TNKS: variants seen among roughly 807,000 people sequenced by gnomAD.
TNKS encodes tankyrase.
TNKS carries 72 observed loss-of-function variants against 135.8 expected under a neutral mutation model. That is an observed-to-expected ratio of 0.53 (90% confidence interval 0.44 to 0.64). TNKS has a LOEUF of 0.64. Ranked by LOEUF, TNKS falls within the 30% of genes least tolerant of loss-of-function variation. The probability of loss-of-function intolerance (pLI) is 0.00; values close to 1 mark genes in which losing one functional copy is unlikely to be tolerated. For missense variants in TNKS, 1,769 were observed against 1,674.0 expected, an observed-to-expected ratio of 1.06 and a Z score of -0.99; for synonymous variants, 849 against 649.3, an observed-to-expected ratio of 1.31 and a Z score of -4.68.
chr8:9,726,943 C>A (rs1285088535), intron 13 of TNKS, among the ~76,000 whole-genome samples: 1 of 152,048 alleles, frequency 6.6e-6, no homozygotes, highest in African/African-American at 2.4e-5. Context: ...GGTAGATAGA[C>A]AGATGGATAT....
intron 17 of TNKS, among the ~76,000 whole-genome samples, chr8:9,744,747 A>G (rs1411189757): frequency 6.6e-6 from 1 of 152,306 alleles, no homozygotes; most frequent in East Asian, 1.9e-4. Flanking sequence ...TGGTGTAGCT[A>G]TTTAAAAGAA....
At chr8:9,668,352 G>T (rs1469492869) in intron 3 of TNKS, among the ~76,000 whole-genome samples, 1 of 152,180 alleles carries the variant, frequency 6.6e-6, no homozygotes, top group East Asian at 1.9e-4. Flanking sequence ...TCCTTAGGGA[G>T]AAAATACATT....
At chr8:9,758,470 C>T (rs1049493403) in intron 20 of TNKS, among the ~76,000 whole-genome samples, 5 of 152,044 alleles carry the variant, frequency 3.3e-5, no homozygotes, top group African/African-American at 1.2e-4. Flanking sequence ...GGATAAATGC[C>T]AAGATAGCGT....
At position 9,561,469 on chromosome 8, in the gene TNKS, A is replaced by G. The variant is rs1797329384; in HGVS notation, c.673+4857A>G. Among the ~76,000 whole-genome samples the G allele has an allele frequency of 2.6e-5, 4 of 152,342 alleles. No homozygotes were observed. The South Asian group carries it at 8.3e-4, about 32-fold the overall frequency. On this transcript the variant is annotated intron_variant, in intron 1 of 26. Coordinates refer to ENST00000310430, the MANE Select transcript of TNKS (RefSeq NM_003747.3). ...TAGAATTTCATATAAATGCAGTCAT[A>G]CAATATTTAGTCTTTCTGTAAGACT...
At chr8:9,637,348 A>G (rs893129886) in intron 3 of TNKS, among the ~76,000 whole-genome samples, 9 of 152,082 alleles carry the variant, frequency 5.9e-5, no homozygotes, top group Non-Finnish European at 1.2e-4. Context: ...TCCTTCCTTC[A>G]GGTTCTTTCT....
At chr8:9,725,988 A>C (rs1268642301) in intron 12 of TNKS, among the ~76,000 whole-genome samples, 1 of 152,242 alleles carries the variant, frequency 6.6e-6, no homozygotes, top group Non-Finnish European at 1.5e-5. Flanking sequence ...TCCTAAAGCC[A>C]TTCAATAAAT....
At position 9,709,891 on chromosome 8, in the gene TNKS, A is replaced by C. The variant is rs983419555; in HGVS notation, c.1579-64A>C. 3.5e-5 allele frequency: 45 copies of C among 1,273,168 alleles called. No homozygotes were observed. In the African/African-American group the frequency reaches 6.3e-4, roughly 18 times the overall value. 78.9% of individuals were successfully genotyped at this position (1,273,168 alleles called of 1,614,324 possible). On this transcript the variant is annotated intron_variant, in intron 9 of 26. Transcript: ENST00000310430. ...TTTAAATGGTCAGCAGATACTGTTC[A>C]ATTCCAAGAGCTACTGTACATATGG...
At chr8:9,610,339 A>G (rs1033622658) in intron 2 of TNKS, among the ~76,000 whole-genome samples, 7 of 151,400 alleles carry the variant, frequency 4.6e-5, no homozygotes, top group Non-Finnish European at 8.8e-5. Flanking sequence ...TATATACTGT[A>G]GCATACTATA....
intron 14 of TNKS, among the ~76,000 whole-genome samples, chr8:9,731,850 C>T (rs1260920960): frequency 6.6e-6 from 1 of 152,134 alleles, no homozygotes; most frequent in African/African-American, 2.4e-5. Flanking sequence ...TGCAGTGGCA[C>T]AATCTCGGCT....
chr8:9,624,160 G>C (rs1799970013), intron 3 of TNKS, among the ~76,000 whole-genome samples: 1 of 152,084 alleles, frequency 6.6e-6, no homozygotes, highest in South Asian at 2.1e-4. Context: ...TGACATATTT[G>C]TGAAGCATGA....
intron 20 of TNKS, among the ~76,000 whole-genome samples, chr8:9,759,843 C>T (rs796820053): frequency 4.6e-5 from 7 of 152,110 alleles, no homozygotes; most frequent in African/African-American, 7.2e-5. Flanking sequence ...GGCGTGGTGG[C>T]GGGCGCCTGT....
In TNKS at chr8:9,706,896, C is replaced by G; in HGVS notation, c.1355C>G (p.Ser452Cys). ...AASKNRVEVC[S>C]LLLSHGADPT... is the part of the protein sequence containing the mutation. Reference sequence around the variant, plus strand: ...TCCAAGAACCGTGTAGAAGTCTGCTCTTTGTTACTTAGCCATGGCGCTGAT... The same window carrying G: ...TCCAAGAACCGTGTAGAAGTCTGCTGTTTGTTACTTAGCCATGGCGCTGAT... The change falls in exon 8 of 27, where the codon TCT (serine) becomes TGT (cysteine). Residue 452 changes from serine (S) to cysteine (C), a missense_variant. Coordinates refer to ENST00000310430, the MANE Select transcript of TNKS (RefSeq NM_003747.3). The G allele has an allele frequency of 1.2e-6, 2 of 1,614,074 alleles. No homozygotes were observed. The highest frequency in any genetic ancestry group is 2.2e-5 in the East Asian group (1 of 44,862).
chr8:9,634,699 T>G (rs1472919254), intron 3 of TNKS, among the ~76,000 whole-genome samples: 1 of 152,152 alleles, frequency 6.6e-6, no homozygotes, highest in Non-Finnish European at 1.5e-5. Flanking sequence ...CCTCTATTTC[T>G]GCTACAGAAA....
At chr8:9,657,422 A>G (rs1388658609) in intron 3 of TNKS, among the ~76,000 whole-genome samples, 3 of 68,146 alleles carry the variant, frequency 4.4e-5, no homozygotes, top group Non-Finnish European at 9.1e-5. Context: ...GGCCGGGCGG[A>G]GGGCTGACCC....
intron 3 of TNKS, among the ~76,000 whole-genome samples, chr8:9,679,219 A>G (rs1472480162): frequency 6.6e-6 from 1 of 152,198 alleles, no homozygotes; most frequent in Admixed American, 6.5e-5. Context: ...TTTAAAAAAT[A>G]TTTTAAGATT....
At chr8:9,769,982 C>G in intron 25 of TNKS, 124 bp from the exon 26 acceptor site, 1 of 828,028 alleles carries the variant, frequency 1.2e-6, no homozygotes, top group Non-Finnish European at 1.8e-6. Flanking sequence ...ACTCATAAAT[C>G]TGAAAATGAC....
chr8:9,675,780 A>G (rs1285267464), intron 3 of TNKS, among the ~76,000 whole-genome samples: 3 of 152,134 alleles, frequency 2.0e-5, no homozygotes, highest in South Asian at 4.1e-4. Context: ...AGCCTAGTGC[A>G]GGGCCTGACA....
intron 3 of TNKS, among the ~76,000 whole-genome samples, chr8:9,660,845 T>G (rs200424821): frequency 1.3e-5 from 2 of 152,198 alleles, no homozygotes; most frequent in East Asian, 3.9e-4. Context: ...ACCCCATCGT[T>G]TCAGCCCAAA....
rs552031409 is a variant in TNKS, at chr8:9,663,223, T to C, written c.995-16728T>C. Reference sequence around the variant, plus strand: ...ACCTCCAGAACTGTGTGGGAATAAATGTGTGTTTTAATTCACTTAGTTTCT... The same window carrying C: ...ACCTCCAGAACTGTGTGGGAATAAACGTGTGTTTTAATTCACTTAGTTTCT... On this transcript the variant is annotated intron_variant, in intron 3 of 26. Coordinates refer to ENST00000310430, the MANE Select transcript of TNKS (RefSeq NM_003747.3). Among the ~76,000 whole-genome samples the C allele has an allele frequency of 2.0e-5, 3 of 152,318 alleles. No individual in the cohort carries two copies. The East Asian group carries it at 5.8e-4, about 29-fold the overall frequency.
Sources: allele counts gnomAD v4.1 joint callset (sites outside exome capture counted in the v4.1 genomes callset), GRCh38; gene constraint gnomAD v4.1.1; transcripts MANE v1.5; gene names NCBI Gene and HGNC (gene_info 2026-07-23, HGNC 2026-07-21).